The following TBX20 variants were observed in gnomAD, a reference collection of about 807,000 sequenced individuals.
TBX20 encodes the protein T-box transcription factor 20, also known as T-box transcription factor TBX20.
In TBX20, 8 loss-of-function variants were observed where a neutral mutation model predicts 42.9. That is an observed-to-expected ratio of 0.19 (90% CI 0.11 to 0.34). TBX20 has a LOEUF of 0.34. TBX20 is among the 10% of genes least tolerant of loss of function. The pLI, the probability that TBX20 is intolerant of heterozygous loss-of-function variation, is 1.00. For missense variants in TBX20, 411 were observed against 566.0 expected, an observed-to-expected ratio of 0.73 and a Z score of 2.78; for synonymous variants, 198 against 222.8, an observed-to-expected ratio of 0.89 and a Z score of 0.99.
At chr7:35,210,169 C>T (rs980377342) in intron 6 of TBX20, among the ~76,000 whole-genome samples, 1 of 146,612 alleles carries the variant, frequency 6.8e-6, no homozygotes, top group African/African-American at 2.5e-5. Context: ...GGCTGGAGTG[C>T]AGTGGCGCAA....
intron 4 of TBX20, among the ~76,000 whole-genome samples, chr7:35,241,840 A>G (rs1790088959): frequency 6.6e-6 from 1 of 152,206 alleles, no homozygotes; most frequent in African/African-American, 2.4e-5. Context: ...TATATCTTTT[A>G]AATAAAATAT....
chr7:35,234,544 T>A (rs1224577758), intron 5 of TBX20, among the ~76,000 whole-genome samples: 2 of 152,230 alleles, frequency 1.3e-5, no homozygotes, highest in Non-Finnish European at 2.9e-5. Flanking sequence ...ACTGCTAATA[T>A]CATTTTAATC....
chr7:35,227,513 C>T (rs1159655437), intron 6 of TBX20, among the ~76,000 whole-genome samples: 7 of 152,104 alleles, frequency 4.6e-5, no homozygotes, highest in Non-Finnish European at 7.4e-5. Context: ...CCTTGCATTA[C>T]AATTGCTTAC....
At chr7:35,236,506 T>A (rs1562564246) in intron 5 of TBX20, among the ~76,000 whole-genome samples, 1 of 151,742 alleles carries the variant, frequency 6.6e-6, no homozygotes, top group Non-Finnish European at 1.5e-5. Context: ...CTAGAAAGAG[T>A]CAAGGATAAC....
chr7:35,252,199 C>T (rs80323921), intron 1 of TBX20, among the ~76,000 whole-genome samples: 2 of 152,250 alleles, frequency 1.3e-5, no homozygotes, highest in Admixed American at 6.5e-5. Flanking sequence ...AATTCAGGGG[C>T]CCCTAAACAG....
intron 6 of TBX20, among the ~76,000 whole-genome samples, chr7:35,209,080 T>C (rs1310311180): frequency 6.6e-6 from 1 of 152,188 alleles, no homozygotes; most frequent in Non-Finnish European, 1.5e-5. Flanking sequence ...TAGTTATTTA[T>C]GACATATTAT....
At chr7:35,212,910 TAGATCTTTG>T (rs1162224988) in intron 6 of TBX20, among the ~76,000 whole-genome samples, 1 of 152,200 alleles carries the variant, frequency 6.6e-6, no homozygotes, top group East Asian at 1.9e-4. Context: ...GGATCCTCTG[TAGATCTTTG>T]AGTGCTTTTT....
chr7:35,238,086 C>T (rs570473524), intron 5 of TBX20, among the ~76,000 whole-genome samples: 3 of 152,192 alleles, frequency 2.0e-5, no homozygotes, highest in African/African-American at 7.2e-5. Context: ...TAACTAGTGC[C>T]TCAATTACCC....
At chr7:35,206,377 G>T (rs182672384) in intron 6 of TBX20, among the ~76,000 whole-genome samples, 4 of 152,228 alleles carry the variant, frequency 2.6e-5, no homozygotes, top group Admixed American at 2.0e-4. Flanking sequence ...GCAAAACCCT[G>T]TCTCTATTAA....
chr7:35,222,160 A>G (rs2128712190), intron 6 of TBX20, among the ~76,000 whole-genome samples: 1 of 152,314 alleles, frequency 6.6e-6, no homozygotes, highest in African/African-American at 2.4e-5. Flanking sequence ...ATCACAAATC[A>G]TGTGAATTTG....
At chr7:35,248,350 A>G (rs1354146141) in intron 3 of TBX20, among the ~76,000 whole-genome samples, 1 of 152,222 alleles carries the variant, frequency 6.6e-6, no homozygotes, top group Non-Finnish European at 1.5e-5. Flanking sequence ...TTAAGCAGCA[A>G]TTAGAGAGGA....
intron 6 of TBX20, among the ~76,000 whole-genome samples, chr7:35,217,451 C>T (rs1197712290): frequency 1.3e-5 from 2 of 152,060 alleles, no homozygotes; most frequent in African/African-American, 2.4e-5. Flanking sequence ...AATTTACAAC[C>T]GTAAGTTAAT....
intron 5 of TBX20, among the ~76,000 whole-genome samples, chr7:35,236,703 A>C (rs1406674194): frequency 1.3e-5 from 2 of 152,302 alleles, no homozygotes; most frequent in Admixed American, 1.3e-4. Flanking sequence ...TTCTATTTTA[A>C]AGGCATATGG....
intron 6 of TBX20, among the ~76,000 whole-genome samples, chr7:35,226,286 A>G (rs888270376): frequency 1.3e-5 from 2 of 151,894 alleles, no homozygotes; most frequent in Admixed American, 1.3e-4. Context: ...AAAAGCATAA[A>G]TAAAAAGCTA....
chr7:35,210,271 C>A (rs1405055569), intron 6 of TBX20, among the ~76,000 whole-genome samples: 1 of 151,788 alleles, frequency 6.6e-6, no homozygotes, highest in Admixed American at 6.6e-5. Context: ...CCCACCACCA[C>A]GCCTGGCTAA....
chr7:35,245,295 G>C (rs927181405), intron 3 of TBX20, among the ~76,000 whole-genome samples: 7 of 144,238 alleles, frequency 4.9e-5, no homozygotes, highest in African/African-American at 1.8e-4. Flanking sequence ...TCTATTAAAA[G>C]CTGAGCAAGG....
At chr7:35,224,602 G>A (rs1409316549) in intron 6 of TBX20, among the ~76,000 whole-genome samples, 8 of 152,158 alleles carry the variant, frequency 5.3e-5, no homozygotes, top group Admixed American at 1.3e-4. Flanking sequence ...AACCTGGGAG[G>A]TGGAGGTTGC....
Position 35,253,895 on chromosome 7 carries a change from C to A in TBX20, c.-275G>T. 1 of 456,882 alleles carries A rather than the reference C, an allele frequency of 2.2e-6. No individual in the cohort carries two copies. The highest frequency in any genetic ancestry group is 4.0e-6 in the Non-Finnish European group (1 of 252,734). 28.3% of individuals were successfully genotyped at this position (456,882 alleles called of 1,614,324 possible). ...GCGGGTGCGCACGCCCCGGGGCGCT[C>A]GGCAGGACGACAGTCTGCACAGCCC... On this transcript the variant is annotated 5_prime_UTR_variant, in exon 1 of 8. Coordinates refer to ENST00000408931, the MANE Select transcript of TBX20 (RefSeq NM_001077653.2).
chr7:35,218,927 T>C (rs1370423874), intron 6 of TBX20, among the ~76,000 whole-genome samples: 4 of 152,206 alleles, frequency 2.6e-5, no homozygotes, highest in Non-Finnish European at 5.9e-5. Context: ...GAAGGCACCA[T>C]TTATGAAGCA....
Sources: gnomAD v4.1 joint callset for allele counts (sites outside exome capture counted in the v4.1 genomes callset) on GRCh38, gnomAD v4.1.1 for gene constraint, MANE v1.5 for transcripts, NCBI Gene and HGNC (gene_info 2026-07-23, HGNC 2026-07-21) for gene names.